Variants in CPA6 observed in about 807,000 individuals in gnomAD.
The protein encoded by CPA6 is carboxypeptidase A6, also known as carboxypeptidase B.
CPA6 carries 58 observed loss-of-function variants against 63.3 expected under a neutral mutation model. That is an observed-to-expected ratio of 0.92 (90% CI 0.74 to 1.14). The LOEUF is 1.14. CPA6 is among the 50% of genes most tolerant of loss of function. The pLI, the probability that CPA6 is intolerant of heterozygous loss-of-function variation, is 0.00. For missense variants in CPA6, 565 were observed against 526.6 expected (o/e 1.07, Z -0.71); for synonymous variants, 185 against 179.0 (o/e 1.03, Z -0.27).
chr8:67,461,054 T>TC (rs1049790301), intron 8 of CPA6, among the ~76,000 whole-genome samples: 8 of 151,674 alleles, frequency 5.3e-5, no homozygotes, highest in Middle Eastern at 3.4e-3. Context: ...GATTTCTTTT[T>TC]TTTTTTTTTT....
At chr8:67,502,563 A>C (rs1811849698) in intron 6 of CPA6, among the ~76,000 whole-genome samples, 1 of 152,088 alleles carries the variant, frequency 6.6e-6, no homozygotes, top group Non-Finnish European at 1.5e-5. Context: ...AGGTCATTGA[A>C]GGAAGAGCTT....
At chr8:67,696,353 T>C (rs887240197) in intron 1 of CPA6, among the ~76,000 whole-genome samples, 12 of 152,276 alleles carry the variant, frequency 7.9e-5, no homozygotes, top group Non-Finnish European at 1.2e-4. Context: ...TGAGAAGCCA[T>C]AGTACATGCA....
intron 8 of CPA6, among the ~76,000 whole-genome samples, chr8:67,453,475 AC>A (rs1563958945): frequency 1.3e-5 from 2 of 152,208 alleles, no homozygotes; most frequent in South Asian, 4.1e-4. Flanking sequence ...TCTATTAGAT[AC>A]CCCCAGTGAA....
chr8:67,744,277 T>C (rs1375029120), intron 1 of CPA6, among the ~76,000 whole-genome samples: 1 of 152,204 alleles, frequency 6.6e-6, no homozygotes, highest in Non-Finnish European at 1.5e-5. Flanking sequence ...CTCCTACTCT[T>C]AGACATCTGG....
intron 1 of CPA6, among the ~76,000 whole-genome samples, chr8:67,652,428 T>C (rs990713816): frequency 4.6e-5 from 7 of 152,044 alleles, no homozygotes; most frequent in Admixed American, 6.6e-5. Context: ...TTTTAATGAT[T>C]GCCATTCTAA....
chr8:67,718,853 G>A (rs928444767), intron 1 of CPA6, among the ~76,000 whole-genome samples: 2 of 152,016 alleles, frequency 1.3e-5, no homozygotes, highest in Admixed American at 6.6e-5. Flanking sequence ...CACCATGTTG[G>A]CTAGGATGGT....
intron 6 of CPA6, among the ~76,000 whole-genome samples, chr8:67,491,676 G>A (rs1313472896): frequency 6.6e-6 from 1 of 152,082 alleles, no homozygotes; most frequent in Admixed American, 6.6e-5. Context: ...GACAACTTTG[G>A]TATTGTGAAG....
At chr8:67,681,258 G>T (rs1306344459) in intron 1 of CPA6, among the ~76,000 whole-genome samples, 1 of 125,638 alleles carries the variant, frequency 8.0e-6, no homozygotes. Flanking sequence ...GCCGGACTGC[G>T]GACTGCAGTG....
chr8:67,525,538 ACT>A (rs1392748881), intron 2 of CPA6, among the ~76,000 whole-genome samples: 2 of 152,034 alleles, frequency 1.3e-5, no homozygotes, highest in Non-Finnish European at 2.9e-5. Flanking sequence ...TTCTGGTAAA[ACT>A]CTATTTTGGT....
At chr8:67,697,563 T>C (rs1039337481) in intron 1 of CPA6, among the ~76,000 whole-genome samples, 5 of 152,206 alleles carry the variant, frequency 3.3e-5, no homozygotes, top group African/African-American at 1.2e-4. Context: ...AAATACTTAG[T>C]AAAAGTAAAT....
chr8:67,642,081 G>C (rs1208539583), intron 1 of CPA6, among the ~76,000 whole-genome samples: 1 of 152,202 alleles, frequency 6.6e-6, no homozygotes, highest in African/African-American at 2.4e-5. Flanking sequence ...CAGCACTTTG[G>C]GAGGCCGAGG....
At chr8:67,468,953 C>T (rs756277534) in intron 8 of CPA6, among the ~76,000 whole-genome samples, 10 of 152,200 alleles carry the variant, frequency 6.6e-5, no homozygotes, top group Non-Finnish European at 1.2e-4. Context: ...CTTGACCCTG[C>T]ATCCTTTGCT....
intron 1 of CPA6, among the ~76,000 whole-genome samples, chr8:67,670,154 G>A (rs764956306): frequency 8.5e-5 from 13 of 152,166 alleles, no homozygotes; most frequent in Non-Finnish European, 1.9e-4. Flanking sequence ...CTGCTATAAA[G>A]AAATACGTGA....
intron 2 of CPA6, among the ~76,000 whole-genome samples, chr8:67,607,204 CTT>C (rs1814676688): frequency 3.4e-5 from 3 of 89,286 alleles, no homozygotes; most frequent in Admixed American, 2.8e-4. Flanking sequence ...TCTTCTTCTT[CTT>C]CTTCTTCTTC....
At chr8:67,491,526 A>G (rs1811605973) in intron 6 of CPA6, among the ~76,000 whole-genome samples, 1 of 152,118 alleles carries the variant, frequency 6.6e-6, no homozygotes, top group South Asian at 2.1e-4. Flanking sequence ...AAATATTTGA[A>G]ATGTTTTGTG....
intron 1 of CPA6, among the ~76,000 whole-genome samples, chr8:67,721,805 T>C (rs1817505799): frequency 6.6e-6 from 1 of 152,218 alleles, no homozygotes; most frequent in South Asian, 2.1e-4. Context: ...GTAGGGGCTT[T>C]CAAAATGCTT....
intron 1 of CPA6, among the ~76,000 whole-genome samples, chr8:67,713,381 A>G (rs1007806461): frequency 2.0e-5 from 3 of 151,944 alleles, no homozygotes; most frequent in Non-Finnish European, 4.4e-5. Context: ...TTGGTAGAGG[A>G]TGAAGCCTAA....
chr8:67,735,735 G>A (rs1817800100), intron 1 of CPA6: 1 of 147,470 alleles, frequency 6.8e-6, no homozygotes, highest in African/African-American at 2.5e-5. Context: ...TCCTTTTAGA[G>A]CTCCACTAGT....
At chr8:67,681,220 T>TTTTTTTTTTTTTA in intron 1 of CPA6, among the ~76,000 whole-genome samples, 1 of 129,832 alleles carries the variant, frequency 7.7e-6, no homozygotes, top group African/African-American at 3.2e-5. Context: ...TTTTTTTTTT[T>TTTTTTTTTTTTTA]GAGACGGAGT....
Sources: gnomAD v4.1 joint callset for allele counts (sites outside exome capture counted in the v4.1 genomes callset) on GRCh38, gnomAD v4.1.1 for gene constraint, MANE v1.5 for transcripts, NCBI Gene and HGNC (gene_info 2026-07-23, HGNC 2026-07-21) for gene names.